The following RYR3 variants were observed in gnomAD, a reference collection of about 807,000 sequenced individuals.
The protein encoded by RYR3 is brain ryanodine receptor-calcium release channel.
A neutral mutation model predicts 584.3 loss-of-function variants in RYR3; 207 were observed. The ratio of observed to expected loss-of-function variants is 0.35; its 90% CI spans 0.32 to 0.40. The LOEUF (loss-of-function observed/expected upper bound fraction) is 0.40, where lower values mean the gene tolerates loss of function less well. Among genes scored for constraint, RYR3 ranks in the 10% least tolerant of loss-of-function variants. The pLI, the probability that RYR3 is intolerant of heterozygous loss-of-function variation, is 1.00. For synonymous variants in RYR3, 2,416 were observed against 2,248.5 expected (o/e 1.07, Z -2.11); for missense variants, 5,616 against 6,089.2 (o/e 0.92, Z 2.59).
At chr15:33,742,287 A>T in intron 51 of RYR3, 79 bp from the exon 52 acceptor site, 2 of 881,382 alleles carry the variant, frequency 2.3e-6, no homozygotes, top group Non-Finnish European at 3.8e-6. Context: ...CAGCTGGTTG[A>T]TTGGTAGTTC....
intron 1 of RYR3, among the ~76,000 whole-genome samples, chr15:33,448,422 T>A (rs1443022512): frequency 6.6e-6 from 1 of 152,370 alleles, no homozygotes; most frequent in Non-Finnish European, 1.5e-5. Context: ...CATTTGTTCA[T>A]GTTTCCCTGT....
intron 1 of RYR3, among the ~76,000 whole-genome samples, chr15:33,350,407 G>T (rs1229005510): frequency 1.3e-5 from 2 of 151,994 alleles, no homozygotes; most frequent in African/African-American, 2.4e-5. Flanking sequence ...GCACCAAGTG[G>T]ACCTAATAGA....
intron 49 of RYR3, among the ~76,000 whole-genome samples, chr15:33,736,804 A>G (rs928532536): frequency 2.6e-5 from 4 of 151,754 alleles, no homozygotes; most frequent in African/African-American, 9.7e-5. Flanking sequence ...GCTGAAGTGC[A>G]GTGGTGAGAT....
At chr15:33,570,534 T>C (rs1177348352) in intron 12 of RYR3, among the ~76,000 whole-genome samples, 4 of 152,158 alleles carry the variant, frequency 2.6e-5, no homozygotes, top group African/African-American at 9.6e-5. Context: ...AATTTTTTAC[T>C]TCTTTGCAAA....
intron 3 of RYR3, among the ~76,000 whole-genome samples, chr15:33,518,466 C>G (rs2053706186): frequency 6.6e-6 from 1 of 152,148 alleles, no homozygotes; most frequent in Non-Finnish European, 1.5e-5. Flanking sequence ...GCCGCTCCCC[C>G]TCCTCTCGCA....
chr15:33,419,123 T>C (rs1469399310), intron 1 of RYR3, among the ~76,000 whole-genome samples: 1 of 151,930 alleles, frequency 6.6e-6, no homozygotes, highest in East Asian at 1.9e-4. Flanking sequence ...ATTAGAGATA[T>C]AAAAGCGAGG....
In RYR3 at chr15:33,818,574, G is replaced by A. The variant is rs1419528783; in HGVS notation, c.10600-4G>A. The A allele has an allele frequency of 6.2e-7, 1 of 1,609,012 alleles. No homozygotes were observed. Among genetic ancestry groups the A allele is most frequent in the Non-Finnish European group, 8.5e-7 (1 of 1,175,456 alleles). ...CTAAAACCTATCTGTGTTGGTTTGT[G>A]TAGAAATCTCCAAAGGTGGAAGAGG... On this transcript the variant is annotated splice_polypyrimidine_tract_variant and splice_region_variant and intron_variant, in intron 75 of 103. Coordinates refer to ENST00000634891, the MANE Select transcript of RYR3 (RefSeq NM_001036.6).
intron 1 of RYR3, among the ~76,000 whole-genome samples, chr15:33,376,928 C>T (rs895548735): frequency 6.6e-6 from 1 of 152,068 alleles, no homozygotes; most frequent in African/African-American, 2.4e-5. Context: ...ATCAATTGAC[C>T]ACATATGTGT....
At chr15:33,715,200 C>A (rs976154094) in intron 43 of RYR3, among the ~76,000 whole-genome samples, 7 of 152,174 alleles carry the variant, frequency 4.6e-5, no homozygotes, top group Non-Finnish European at 7.3e-5. Flanking sequence ...ACTTAAGAAT[C>A]ATCTGGTTTA....
intron 42 of RYR3, among the ~76,000 whole-genome samples, chr15:33,701,977 T>C (rs1480423509): frequency 1.3e-5 from 2 of 152,326 alleles, no homozygotes; most frequent in East Asian, 1.9e-4. Flanking sequence ...CTACCATTTC[T>C]ATTACTAAAA....
At chr15:33,752,846 G>GC (rs145078073) in intron 57 of RYR3, among the ~76,000 whole-genome samples, 10,054 of 151,086 alleles carry the variant, frequency 0.067, 965 homozygotes, top group African/African-American at 0.22. Flanking sequence ...CTGCCCATTG[G>GC]CTGTGGGTTT....
intron 1 of RYR3, among the ~76,000 whole-genome samples, chr15:33,422,315 C>G (rs867704001): frequency 7.9e-5 from 12 of 152,166 alleles, no homozygotes; most frequent in African/African-American, 2.9e-4. Flanking sequence ...TGATCAGAAT[C>G]TTTACTCCCC....
intron 89 of RYR3, chr15:33,839,583 A>C (rs1329420908): frequency 1.3e-5 from 2 of 152,308 alleles, no homozygotes; most frequent in African/African-American, 4.8e-5. Flanking sequence ...AGAGTAGAGA[A>C]GTGTGAAAAG....
At chr15:33,658,741 G>A (rs1322361284) in intron 32 of RYR3, among the ~76,000 whole-genome samples, 4 of 152,220 alleles carry the variant, frequency 2.6e-5, no homozygotes, top group Admixed American at 6.5e-5. Context: ...GAATTCAGAG[G>A]CTGCTCCTCC....
At chr15:33,789,793 G>C (rs1475914398) in intron 67 of RYR3, among the ~76,000 whole-genome samples, 1 of 124,512 alleles carries the variant, frequency 8.0e-6, no homozygotes, top group South Asian at 2.8e-4. Flanking sequence ...TCCCACCTCA[G>C]CCTCGTGAGT....
intron 102 of RYR3, among the ~76,000 whole-genome samples, chr15:33,862,443 GCTATCCACCCAC>G (rs1888635479): frequency 1.3e-5 from 2 of 152,152 alleles, no homozygotes; most frequent in South Asian, 4.2e-4. Flanking sequence ...CTGAGCTCAA[GCTATCCACCCAC>G]CTTGGCCTCC....
intron 60 of RYR3, among the ~76,000 whole-genome samples, chr15:33,765,675 TA>T (rs1380623074): frequency 6.8e-6 from 1 of 146,112 alleles, no homozygotes; most frequent in Non-Finnish European, 1.5e-5. Flanking sequence ...CTAAATAGTC[TA>T]AAAACGCTTT....
chr15:33,773,448 T>C (rs897941515), intron 63 of RYR3, 86 bp from the exon 64 acceptor site: 1 of 880,130 alleles, frequency 1.1e-6, no homozygotes, highest in South Asian at 1.4e-5. Flanking sequence ...TCTTTACTGA[T>C]GCTCATGCAT....
At chr15:33,483,835 T>C (rs769420488) in intron 2 of RYR3, among the ~76,000 whole-genome samples, 2 of 152,188 alleles carry the variant, frequency 1.3e-5, no homozygotes, top group Non-Finnish European at 2.9e-5. Flanking sequence ...TTTCCAGACA[T>C]TCTGGTAGCC....
Sources: allele counts gnomAD v4.1 joint callset (sites outside exome capture counted in the v4.1 genomes callset), GRCh38; gene constraint gnomAD v4.1.1; transcripts MANE v1.5; gene names NCBI Gene and HGNC (gene_info 2026-07-23, HGNC 2026-07-21).